ZEB1: variants seen among roughly 807,000 people sequenced by gnomAD.
ZEB1 encodes zinc finger E-box binding homeobox 1.
In ZEB1, 21 loss-of-function variants were observed where a neutral mutation model predicts 84.9. The observed-to-expected ratio is 0.25, with a 90% CI of 0.18 to 0.36. ZEB1 has a LOEUF of 0.36. Ranked by LOEUF, ZEB1 falls within the 10% of genes least tolerant of loss-of-function variation. The pLI is 1.00. For synonymous variants in ZEB1, 420 were observed against 471.1 expected (o/e 0.89, Z 1.41); for missense variants, 1,104 against 1,330.2 (o/e 0.83, Z 2.65).
At chr10:31,460,418 C>T (rs1055623537) in intron 1 of ZEB1, among the ~76,000 whole-genome samples, 3 of 152,110 alleles carry the variant, frequency 2.0e-5, no homozygotes, top group Admixed American at 6.6e-5. Context: ...TAATGTAATG[C>T]ATGGATCATT....
chr10:31,373,129 C>T (rs2046000257), intron 1 of ZEB1: 1 of 985,362 alleles, frequency 1.0e-6, no homozygotes, highest in Non-Finnish European at 1.2e-6. Context: ...TAGGAAAGCA[C>T]TATCAAGAAA....
chr10:31,505,570 A>G (rs1036411604), intron 4 of ZEB1, among the ~76,000 whole-genome samples: 3 of 151,842 alleles, frequency 2.0e-5, no homozygotes, highest in East Asian at 1.9e-4. Flanking sequence ...ATAGTTGTTC[A>G]TAATTGTCTC....
rs1480830458 is a variant in ZEB1, at chr10:31,441,212, T to A, written c.59-19825T>A. ...TGGTACTGGTACCAAAACAGAGATA[T>A]AGACCAATGGAACAGAACAGAGGCC... On this transcript the variant is annotated intron_variant, in intron 1 of 8. Coordinates refer to ENST00000424869, the MANE Select transcript of ZEB1 (RefSeq NM_001174096.2). Among the ~76,000 whole-genome samples the A allele has an allele frequency of 8.5e-5, 13 of 152,188 alleles. No homozygotes were observed. In the South Asian group the frequency reaches 2.7e-3, roughly 32 times the overall value.
At chr10:31,445,864 G>A (rs1591359290) in intron 1 of ZEB1, among the ~76,000 whole-genome samples, 2 of 118,460 alleles carry the variant, frequency 1.7e-5, no homozygotes, top group East Asian at 4.6e-4. Context: ...CAAGGATATT[G>A]GTCTAAAATT....
intron 1 of ZEB1, among the ~76,000 whole-genome samples, chr10:31,422,098 C>T (rs984917692): frequency 6.6e-6 from 1 of 152,090 alleles, no homozygotes; most frequent in African/African-American, 2.4e-5. Context: ...TATTCTTTTT[C>T]TCCCCACTGA....
At chr10:31,524,327 T>G (rs1356481705) in intron 8 of ZEB1, among the ~76,000 whole-genome samples, 1 of 152,056 alleles carries the variant, frequency 6.6e-6, no homozygotes, top group Non-Finnish European at 1.5e-5. Context: ...CAAGCCATCC[T>G]TTCATCTCAG....
intron 1 of ZEB1, among the ~76,000 whole-genome samples, chr10:31,365,270 G>C (rs1289499505): frequency 2.0e-5 from 3 of 152,174 alleles, no homozygotes; most frequent in African/African-American, 7.2e-5. Context: ...GAGCATGCCA[G>C]CTTGGTCAAC....
intron 2 of ZEB1, among the ~76,000 whole-genome samples, chr10:31,475,099 T>C (rs1354459066): frequency 6.6e-6 from 1 of 151,620 alleles, no homozygotes; most frequent in African/African-American, 2.4e-5. Flanking sequence ...TTGGGAGATA[T>C]ACCTAATGCT....
In ZEB1 at chr10:31,456,626, T is replaced by C. The variant is rs191311071; in HGVS notation, c.59-4411T>C. On this transcript the variant is annotated intron_variant, in intron 1 of 8. Coordinates refer to ENST00000424869, the MANE Select transcript of ZEB1 (RefSeq NM_001174096.2). ...AGGAGCCTTTGCACATAATGAAGTA[T>C]GTAGGCTGTGGAATCTAGCCAACCT... Among the ~76,000 whole-genome samples, 557 of 152,280 alleles carry C rather than the reference T, an allele frequency of 3.7e-3. 3 individuals carry two copies. Among genetic ancestry groups the C allele is most frequent in the African/African-American group, 0.012 (518 of 41,568 alleles).
intron 1 of ZEB1, among the ~76,000 whole-genome samples, chr10:31,338,795 ACTTT>A (rs1459095156): frequency 6.6e-6 from 1 of 152,162 alleles, no homozygotes; most frequent in Non-Finnish European, 1.5e-5. Context: ...GTGATAGTGT[ACTTT>A]CTTCTTCCAA....
chr10:31,496,340 T>C (rs2139034935), intron 3 of ZEB1, among the ~76,000 whole-genome samples: 1 of 152,166 alleles, frequency 6.6e-6, no homozygotes, highest in Middle Eastern at 3.4e-3. Context: ...AAAATTTTTC[T>C]TAAATTTTCT....
intron 1 of ZEB1, among the ~76,000 whole-genome samples, chr10:31,375,967 T>G (rs1208664001): frequency 2.6e-5 from 4 of 151,676 alleles, no homozygotes; most frequent in Admixed American, 2.6e-4. Context: ...TGAAGGAAAT[T>G]TATGTCACAT....
At position 31,495,758 on chromosome 10, in the gene ZEB1, T is replaced by A. The variant is rs763095887; in HGVS notation, c.260-18T>A. 1 of 1,612,540 alleles carries A rather than the reference T, an allele frequency of 6.2e-7. No individual in the cohort carries two copies. Among genetic ancestry groups the A allele is most frequent in the Non-Finnish European group, 8.5e-7 (1 of 1,178,784 alleles). Reference sequence around the variant, plus strand: ...TAGGAACACTATAGATCTATTTTAATTTCTTCTTTGATTTCAGCAGGAAAG... The same window carrying A: ...TAGGAACACTATAGATCTATTTTAAATTCTTCTTTGATTTCAGCAGGAAAG... On this transcript the variant is annotated intron_variant, in intron 2 of 8. Coordinates refer to ENST00000424869, the MANE Select transcript of ZEB1 (RefSeq NM_001174096.2).
Position 31,514,775 on chromosome 10 carries a change from A to G in ZEB1, c.793+67A>G, listed in dbSNP as rs530288374. On this transcript the variant is annotated intron_variant, in intron 6 of 8. Transcript: ENST00000424869. ...TATGTGGTAATAAATAAATATCATA[A>G]CATGTAATCTACGTACATGATCAGA... The G allele has an allele frequency of 6.7e-5, 86 of 1,292,416 alleles. No individual in the cohort carries two copies. The African/African-American group carries it at 1.2e-3, about 18-fold the overall frequency. The allele number at this position is 1,292,416 out of a possible 1,614,324, so 80.1% of individuals were successfully genotyped here.
chr10:31,440,647 T>G (rs1475005872), intron 1 of ZEB1, among the ~76,000 whole-genome samples: 2 of 152,182 alleles, frequency 1.3e-5, no homozygotes, highest in Non-Finnish European at 2.9e-5. Context: ...TGATTGTATA[T>G]TTAGAAAACC....
chr10:31,506,336 A>G (rs1343077338), intron 4 of ZEB1, among the ~76,000 whole-genome samples: 62 of 152,048 alleles, frequency 4.1e-4, no homozygotes, highest in Non-Finnish European at 8.8e-5. Context: ...GTCTTTCTAC[A>G]TGATCTGTCT....
At chr10:31,431,779 C>T (rs2057744029) in intron 1 of ZEB1, among the ~76,000 whole-genome samples, 1 of 152,130 alleles carries the variant, frequency 6.6e-6, no homozygotes. Flanking sequence ...GTACAGAACT[C>T]ACAGGAAAAC....
At chr10:31,515,420 A>ATC (rs1371232648) in intron 6 of ZEB1, among the ~76,000 whole-genome samples, 1 of 152,072 alleles carries the variant, frequency 6.6e-6, no homozygotes, top group African/African-American at 2.4e-5. Context: ...AAATCTGTTC[A>ATC]TCTCCTGATA....
chr10:31,413,250 G>A (rs566872809), intron 1 of ZEB1, among the ~76,000 whole-genome samples: 4 of 152,280 alleles, frequency 2.6e-5, no homozygotes, highest in South Asian at 2.1e-4. Context: ...AACAAGTAGC[G>A]TAAATCAAAG....
Sources: allele counts gnomAD v4.1 joint callset (sites outside exome capture counted in the v4.1 genomes callset), GRCh38; gene constraint gnomAD v4.1.1; transcripts MANE v1.5; gene names NCBI Gene and HGNC (gene_info 2026-07-23, HGNC 2026-07-21).